Variants in ZNF737 observed in about 807,000 individuals in gnomAD.
The protein encoded by ZNF737 is zinc finger protein 102 (Y3).
Under a neutral mutation model 11.7 loss-of-function variants are expected in ZNF737, and 13 were observed. The ratio of observed to expected loss-of-function variants is 1.11; its 90% CI spans 0.73 to 1.77. The LOEUF is 1.77. Ranked by LOEUF, ZNF737 falls within the 40% of genes most tolerant of loss-of-function variation. The probability of loss-of-function intolerance (pLI) is 0.00; values close to 1 mark genes in which losing one functional copy is unlikely to be tolerated. For missense variants in ZNF737, 636 were observed against 638.0 expected, an observed-to-expected ratio of 1.00 and a Z score of 0.03; for synonymous variants, 217 against 216.2, an observed-to-expected ratio of 1.00 and a Z score of -0.03.
chr19:20,556,610 C>T (rs531650658), intron 1 of ZNF737, among the ~76,000 whole-genome samples: 2,649 of 152,282 alleles, frequency 0.017, 79 homozygotes, highest in African/African-American at 0.06. Flanking sequence ...TACCATTAGT[C>T]AGAGAAGCAG....
chr19:20,552,794 A>G (rs558549472), intron 2 of ZNF737, among the ~76,000 whole-genome samples: 9 of 152,056 alleles, frequency 5.9e-5, no homozygotes, highest in Non-Finnish European at 1.2e-4. Context: ...TGGGTGAATC[A>G]CGAGGTCATG....
In ZNF737 at chr19:20,553,832, G is replaced by C. The variant is rs1555759607; in HGVS notation, c.7C>G (p.Pro3Ala). Residue 3 changes from proline to alanine, a missense_variant, in exon 2 of 4, where the codon CCA becomes GCA. Pro to Ala is a conservative substitution (Grantham distance 27, BLOSUM62 -1). Coordinates refer to ENST00000427401, the MANE Select transcript of ZNF737 (RefSeq NM_001159293.2). MGPLQFRDVAIEF... is the reference protein window; with the variant it reads MGALQFRDVAIEF... The stretch of plus-strand genomic sequence containing the variant: ...ATGGCCACGTCTCTAAATTGCAATG[G>C]CCCCTGAAACACACACACAACATAC... The C allele has an allele frequency of 6.2e-7, 1 of 1,612,878 alleles. No individual in the cohort carries two copies.
chr19:20,564,729 G>A (rs1333056898), intron 1 of ZNF737, among the ~76,000 whole-genome samples: 3 of 152,022 alleles, frequency 2.0e-5, no homozygotes, highest in Admixed American at 6.6e-5. Context: ...TGTGGAAAAT[G>A]CCAGGGAAAA....
chr19:20,542,495 G>A lies in ZNF737; in HGVS notation c.*2097C>T. ...GATCTGCCCACCTTGGCCTCCCAAA[G>A]TGCTGAAATTACAGGCATGAGCCAT... On this transcript the variant is annotated 3_prime_UTR_variant, in exon 4 of 4. Coordinates refer to ENST00000427401, the MANE Select transcript of ZNF737 (RefSeq NM_001159293.2). The A allele has an allele frequency of 1.1e-6, 1 of 937,446 alleles. No individual in the cohort carries two copies. Among genetic ancestry groups the A allele is most frequent in the Non-Finnish European group, 1.3e-6 (1 of 786,428 alleles). The allele number at this position is 937,446 out of a possible 1,614,324, so 58.1% of individuals were successfully genotyped here. A position where few individuals can be genotyped will look rare whatever the true frequency, so the allele number is the denominator to read the frequency against.
rs376282246 is a variant in ZNF737 at position 20,552,479 on chromosome 19, G to C, written c.222C>G (p.Pro74=). ...TMKKHEMVAN[P]SVTCSHFARD... is the part of the protein sequence containing the mutation. Reference sequence around the variant, plus strand: ...TTCATTTTCACTTGCACCTACCTGAGGGGTTGGCTACCATCTCATGTTTCT... The same window carrying C: ...TTCATTTTCACTTGCACCTACCTGACGGGTTGGCTACCATCTCATGTTTCT... The change falls in exon 3 of 4, where the codon CCC becomes CCG. Residue 74 remains proline, a synonymous_variant. Coordinates refer to ENST00000427401, the MANE Select transcript of ZNF737 (RefSeq NM_001159293.2). The C allele has an allele frequency of 2.8e-4, 438 of 1,582,554 alleles. 1 individual carries two copies. In the African/African-American group the frequency reaches 5.5e-3, roughly 20 times the overall value.
chr19:20,534,580 C>G (rs1288383409), downstream of ZNF737, among the ~76,000 whole-genome samples: 2 of 149,992 alleles, frequency 1.3e-5, 1 homozygote, highest in Admixed American at 1.3e-4. Flanking sequence ...GTTTCTTAAG[C>G]ATTTTTAATT....
At position 20,552,518 on chromosome 19, in the gene ZNF737, T is replaced by G; in HGVS notation, c.183A>C (p.Lys61Asn). The G allele has an allele frequency of 6.3e-7, 1 of 1,594,228 alleles. No individual in the cohort carries two copies. The highest frequency in any genetic ancestry group is 8.5e-7 in the Non-Finnish European group (1 of 1,173,306). Reference protein sequence around the residue: ...DLITCLEQGKKPLTMKKHEMV... With the variant: ...DLITCLEQGKNPLTMKKHEMV... ...TCTCATGTTTCTTCATGGTCAAAGGTTTTTTTCCTTGCTCCAGACAGGTGA... is the reference window on the plus strand; with the variant it reads ...TCTCATGTTTCTTCATGGTCAAAGGGTTTTTTCCTTGCTCCAGACAGGTGA... The change falls in exon 3 of 4, where the codon AAA becomes AAC. Residue 61 changes from lysine (K) to asparagine (N), a missense_variant. Transcript: ENST00000427401.
chr19:20,531,261 AGGGG>A (rs1967820993), downstream of ZNF737, among the ~76,000 whole-genome samples: 1 of 79,104 alleles, frequency 1.3e-5, no homozygotes. Context: ...GAGAGGGGAG[AGGGG>A]AGGGGAGAGG....
intron 2 of ZNF737, among the ~76,000 whole-genome samples, chr19:20,552,839 C>T (rs1361243870): frequency 6.6e-6 from 1 of 151,812 alleles, no homozygotes; most frequent in Non-Finnish European, 1.5e-5. Flanking sequence ...TGGTGAAACC[C>T]CATCTCTACT....
Position 20,544,724 on chromosome 19 carries a change from G to A in ZNF737, c.1479C>T (p.Ser493=), listed in dbSNP as rs1212318488. The change falls in exon 4 of 4, where the codon TCC becomes TCT. Residue 493 remains serine, a synonymous_variant. Coordinates refer to ENST00000427401, the MANE Select transcript of ZNF737 (RefSeq NM_001159293.2). ...TTCTCTTATGTCTAGTAAGGATAAA[G>A]GAGCGCTTAAAAGCCTTGCCACATC... ...CERCGKAFKR[S]FILTRHKRIH... The A allele has an allele frequency of 1.3e-6, 2 of 1,541,110 alleles. No individual in the cohort carries two copies. Among genetic ancestry groups the A allele is most frequent in the South Asian group, 2.3e-5 (2 of 85,538 alleles).
In ZNF737 at chr19:20,543,814, A is replaced by G. The variant is rs1968316654; in HGVS notation, c.*778T>C. On this transcript the variant is annotated 3_prime_UTR_variant, in exon 4 of 4. Coordinates refer to ENST00000427401, the MANE Select transcript of ZNF737 (RefSeq NM_001159293.2). ...GCGGATTTCCTCTTCAACATGAATT[A>G]TTGCCATGCCTCTTAAGAATTGAGA... 1.5e-5 allele frequency: 15 copies of G among 985,306 alleles called. No individual in the cohort carries two copies. Among genetic ancestry groups the G allele is most frequent in the Non-Finnish European group, 1.8e-5 (15 of 829,952 alleles). The allele number at this position is 985,306 out of a possible 1,614,324, so 61.0% of individuals were successfully genotyped here.
intron 1 of ZNF737, among the ~76,000 whole-genome samples, chr19:20,555,142 C>G (rs2562626): frequency 0.24 from 36,020 of 151,646 alleles, 4,363 homozygotes; most frequent in South Asian, 0.33. Flanking sequence ...GAATTACAGG[C>G]ATGAGCCATT....
chr19:20,560,159 C>T lies in ZNF737; in HGVS notation c.3+5479G>A, dbSNP rs1331295767. ...CCGCAGTCCGGCCTGGGCGACAGAG[C>T]GAGACTCCGTCTCAAAAAAAAAAAA... On this transcript the variant is annotated intron_variant, in intron 1 of 3. Transcript: ENST00000427401. Among the ~76,000 whole-genome samples the T allele has an allele frequency of 2.3e-4, 26 of 113,816 alleles. No individual in the cohort carries two copies. In the East Asian group the frequency reaches 5.9e-3, roughly 26 times the overall value. The allele number at this position is 113,816 out of a possible 152,430, so 74.7% of individuals were successfully genotyped here. A position where few individuals can be genotyped will look rare whatever the true frequency, so the allele number is the denominator to read the frequency against.
rs782760110 is a variant in ZNF737 at position 20,544,207 on chromosome 19, A to G, written c.*385T>C. 3.5e-5 allele frequency: 36 copies of G among 1,016,628 alleles called. No individual in the cohort carries two copies. Among genetic ancestry groups the G allele is most frequent in the Admixed American group, 3.1e-4 (6 of 19,210 alleles). The allele number at this position is 1,016,628 out of a possible 1,614,324, so 63.0% of individuals were successfully genotyped here. On this transcript the variant is annotated 3_prime_UTR_variant, in exon 4 of 4. Transcript: ENST00000427401. ...GTAGGATTTTTGTCCAGCATGAATT[A>G]TGTGTAAGAAGGGTTCAGAACTTCC...
intron 1 of ZNF737, among the ~76,000 whole-genome samples, chr19:20,558,862 T>A (rs1313596221): frequency 6.6e-6 from 1 of 152,156 alleles, no homozygotes; most frequent in Non-Finnish European, 1.5e-5. Context: ...TGCAACAGAA[T>A]AGAGAGCCCA....
intron 1 of ZNF737, among the ~76,000 whole-genome samples, chr19:20,561,770 A>C (rs1969107740): frequency 6.6e-6 from 1 of 151,628 alleles, no homozygotes; most frequent in Non-Finnish European, 1.5e-5. Context: ...TGCAGATGCC[A>C]ATCACAAACC....
At chr19:20,537,630 C>T (rs901358107), downstream of ZNF737, among the ~76,000 whole-genome samples, 1 of 144,460 alleles carries the variant, frequency 6.9e-6, no homozygotes, top group Non-Finnish European at 1.5e-5. Flanking sequence ...GATTCTTCTG[C>T]CTCAGCCTCC....
At chr19:20,554,012 A>G (rs142134379) in intron 1 of ZNF737, among the ~76,000 whole-genome samples, 177 bp from the exon 2 acceptor site, 5 of 152,356 alleles carry the variant, frequency 3.3e-5, no homozygotes, top group Non-Finnish European at 5.9e-5. Flanking sequence ...CTCTGAGAAA[A>G]AAGAACAGCA....
Position 20,552,496 on chromosome 19 carries a change from C to T in ZNF737, c.205G>A (p.Glu69Lys). 1.9e-6 allele frequency: 3 copies of T among 1,594,674 alleles called. No individual in the cohort carries two copies. Among genetic ancestry groups the T allele is most frequent in the Non-Finnish European group, 2.6e-6 (3 of 1,173,270 alleles). The change falls in exon 3 of 4, where the codon GAG becomes AAG. Residue 69 changes from glutamate to lysine, a missense_variant. By Grantham distance (56) the Glu-to-Lys change is moderately conservative. Coordinates refer to ENST00000427401, the MANE Select transcript of ZNF737 (RefSeq NM_001159293.2). ...GKKPLTMKKH[E>K]MVANPSVTCS... ...CTACCTGAGGGGTTGGCTACCATCT[C>T]ATGTTTCTTCATGGTCAAAGGTTTT...
Sources: allele counts gnomAD v4.1 joint callset (sites outside exome capture counted in the v4.1 genomes callset), GRCh38; gene constraint gnomAD v4.1.1; transcripts MANE v1.5; gene names NCBI Gene and HGNC (gene_info 2026-07-23, HGNC 2026-07-21).